CLDN16: variants seen among roughly 807,000 people sequenced by gnomAD.
The protein encoded by CLDN16 is claudin 16, also known as claudin-16.
CLDN16 carries 13 observed loss-of-function variants against 24.6 expected under a neutral mutation model. The ratio of observed to expected loss-of-function variants is 0.53; its 90% CI spans 0.34 to 0.84. The LOEUF is 0.84. Among genes scored for constraint, CLDN16 ranks in the 40% least tolerant of loss-of-function variants. CLDN16 has a pLI of 0.01. For synonymous variants in CLDN16, 116 were observed against 106.7 expected, an observed-to-expected ratio of 1.09 and a Z score of -0.54; for missense variants, 298 against 292.7, an observed-to-expected ratio of 1.02 and a Z score of -0.13.
At chr3:190,407,333 TTGG>T (rs1286801410) in intron 3 of CLDN16, among the ~76,000 whole-genome samples, 1 of 152,038 alleles carries the variant, frequency 6.6e-6, no homozygotes, top group East Asian at 1.9e-4. Context: ...TATTTGGGTG[TTGG>T]TGGGCAAGAT....
At chr3:190,328,361 C>T (rs934717997) in intron 1 of CLDN16, among the ~76,000 whole-genome samples, 2 of 152,058 alleles carry the variant, frequency 1.3e-5, no homozygotes, top group African/African-American at 4.8e-5. Context: ...CTTTCTCTCT[C>T]CATTAGACAT....
intron 1 of CLDN16, among the ~76,000 whole-genome samples, chr3:190,336,899 T>C (rs950698031): frequency 6.6e-6 from 1 of 152,216 alleles, no homozygotes; most frequent in Non-Finnish European, 1.5e-5. Context: ...ACAGAATGGA[T>C]CACCCTTAAA....
chr3:190,313,345 C>T, the CLDN16 span: 9 of 342,324 alleles, frequency 2.6e-5, no homozygotes, highest in South Asian at 1.9e-4. Context: ...TGAACTAATA[C>T]ATATTTATTT....
intron 1 of CLDN16, among the ~76,000 whole-genome samples, chr3:190,354,276 G>T (rs896033747): frequency 1.3e-5 from 2 of 151,946 alleles, no homozygotes; most frequent in African/African-American, 4.8e-5. Flanking sequence ...CTATTATTTT[G>T]TCAACCACAG....
the CLDN16 span, among the ~76,000 whole-genome samples, chr3:190,309,831 T>C: frequency 6.6e-6 from 1 of 152,234 alleles, no homozygotes; most frequent in Non-Finnish European, 1.5e-5. Context: ...AGGTAGGTGT[T>C]GTAAACATCA....
At chr3:190,398,325 G>A (rs1009482584) in intron 1 of CLDN16, among the ~76,000 whole-genome samples, 3 of 152,166 alleles carry the variant, frequency 2.0e-5, no homozygotes, top group Admixed American at 6.5e-5. Flanking sequence ...GCAAGGCTGC[G>A]CTGCCCCTGA....
intron 1 of CLDN16, among the ~76,000 whole-genome samples, chr3:190,393,798 T>G (rs1249423703): frequency 6.8e-6 from 1 of 146,776 alleles, no homozygotes; most frequent in African/African-American, 2.5e-5. Context: ...TCGCCCAAGC[T>G]GGAGTGCAGT....
chr3:190,337,372 C>T (rs936451775), intron 1 of CLDN16, among the ~76,000 whole-genome samples: 4 of 152,182 alleles, frequency 2.6e-5, no homozygotes, highest in African/African-American at 9.7e-5. Flanking sequence ...AAGAAGAACT[C>T]ACCATTACGT....
chr3:190,409,023 C>T lies in CLDN16; in HGVS notation c.574+518C>T, dbSNP rs371922297. Among the ~76,000 whole-genome samples, 4 of 150,508 alleles carry T rather than the reference C, an allele frequency of 2.7e-5. No homozygotes were observed. The East Asian group carries it at 7.9e-4, about 30-fold the overall frequency. ...AACTATTGTACATTTGAATATTGGACATAGTTGTAGTTGTGGATTTTTTCA... is the reference window on the plus strand; with the variant it reads ...AACTATTGTACATTTGAATATTGGATATAGTTGTAGTTGTGGATTTTTTCA... On this transcript the variant is annotated intron_variant, in intron 4 of 4. Transcript: ENST00000264734.
At chr3:190,331,941 T>C (rs1337867974) in intron 1 of CLDN16, among the ~76,000 whole-genome samples, 1 of 152,068 alleles carries the variant, frequency 6.6e-6, no homozygotes. Flanking sequence ...TCTTCCTCCG[T>C]CTTCAAAGCC....
At chr3:190,329,477 C>T (rs1213610495) in intron 1 of CLDN16, among the ~76,000 whole-genome samples, 4 of 152,056 alleles carry the variant, frequency 2.6e-5, no homozygotes, top group East Asian at 1.9e-4. Context: ...AGAAGCTCAA[C>T]CTTTTGAATT....
At chr3:190,371,097 G>C (rs901040272) in intron 2 of CLDN16, 1 of 121,520 alleles carries the variant, frequency 8.2e-6, no homozygotes, top group African/African-American at 3.1e-5. Context: ...AAATATATAG[G>C]GTATAATATA....
chr3:190,308,167 C>G, the CLDN16 span: 2 of 1,271,108 alleles, frequency 1.6e-6, no homozygotes, highest in Admixed American at 3.4e-5. Context: ...TTTTGTAATA[C>G]CATACTTCAG....
chr3:190,374,564 A>G (rs756805072), exon 3 of CLDN16: 21 of 151,900 alleles, frequency 1.4e-4, no homozygotes, highest in African/African-American at 2.9e-4. Flanking sequence ...TTGGAAAACC[A>G]TTCTCTTGTG....
At chr3:190,294,436 G>C in the CLDN16 span, among the ~76,000 whole-genome samples, 3 of 152,064 alleles carry the variant, frequency 2.0e-5, no homozygotes. Flanking sequence ...AATAAGCATT[G>C]TCTAAAATTT....
chr3:190,331,236 A>G (rs1300595281), intron 1 of CLDN16, among the ~76,000 whole-genome samples: 2 of 152,286 alleles, frequency 1.3e-5, no homozygotes, highest in East Asian at 3.9e-4. Context: ...TCTTCTCCCA[A>G]GCAACTTTCT....
At chr3:190,315,497 T>C in the CLDN16 span, among the ~76,000 whole-genome samples, 1 of 152,174 alleles carries the variant, frequency 6.6e-6, no homozygotes, top group Non-Finnish European at 1.5e-5. Context: ...AGAAGTCATA[T>C]GATTATCTTG....
intron 3 of CLDN16, among the ~76,000 whole-genome samples, chr3:190,377,684 A>T (rs66603121): frequency 0.2 from 30,568 of 151,884 alleles, 3,559 homozygotes; most frequent in East Asian, 0.45. Flanking sequence ...TTCCAGTGAA[A>T]TATAGTTCTT....
At chr3:190,381,069 A>G (rs1718360492) in intron 3 of CLDN16, among the ~76,000 whole-genome samples, 1 of 152,110 alleles carries the variant, frequency 6.6e-6, no homozygotes, top group Admixed American at 6.6e-5. Context: ...TCAGGACTGG[A>G]ATACAAATGA....
Sources: gnomAD v4.1 joint callset for allele counts (sites outside exome capture counted in the v4.1 genomes callset) on GRCh38, gnomAD v4.1.1 for gene constraint, MANE v1.5 for transcripts, NCBI Gene and HGNC (gene_info 2026-07-23, HGNC 2026-07-21) for gene names.